AK4: variants seen among roughly 807,000 people sequenced by gnomAD.
AK4 encodes the protein adenylate kinase 4, mitochondrial.
AK4 carries 13 observed loss-of-function variants against 24.6 expected under a neutral mutation model. The observed-to-expected ratio is 0.53, with a 90% CI of 0.34 to 0.84. AK4 has a LOEUF of 0.84. Ranked by LOEUF, AK4 falls within the 40% of genes least tolerant of loss-of-function variation. The pLI, the probability that AK4 is intolerant of heterozygous loss-of-function variation, is 0.01. For synonymous variants in AK4, 88 were observed against 107.0 expected (o/e 0.82, Z 1.10); for missense variants, 192 against 288.2 (o/e 0.67, Z 2.42).
intron 2 of AK4, 34 bp from the exon 3 acceptor site, chr1:65,218,720 C>A: frequency 6.5e-7 from 1 of 1,544,278 alleles, no homozygotes; most frequent in Non-Finnish European, 8.7e-7. Flanking sequence ...TGGGCAATAG[C>A]TTGCATTTCA....
At chr1:65,188,969 C>T (rs1255733732) in intron 1 of AK4, among the ~76,000 whole-genome samples, 1 of 151,726 alleles carries the variant, frequency 6.6e-6, no homozygotes, top group Non-Finnish European at 1.5e-5. Flanking sequence ...GCGATAGAGT[C>T]TTGCTCTGTC....
chr1:65,169,110 A>G (rs1338297357), intron 1 of AK4, among the ~76,000 whole-genome samples: 2 of 151,212 alleles, frequency 1.3e-5, no homozygotes, highest in Non-Finnish European at 2.9e-5. Flanking sequence ...TAGGAGTTCA[A>G]GGATACAGTG....
rs1408297084 is a variant in AK4 at position 65,186,365 on chromosome 1, G to A, written c.146-4345G>A. On this transcript the variant is annotated intron_variant, in intron 1 of 4. Coordinates refer to ENST00000327299, the MANE Select transcript of AK4 (RefSeq NM_013410.4). ...GCTGGTCTCAAACTCCTGGCCATAA[G>A]TGATCCACCCACCTTGGCCTCCCAA... Among the ~76,000 whole-genome samples, 2 of 152,166 alleles carry A rather than the reference G, an allele frequency of 1.3e-5. 1 individual carries two copies. The highest frequency in any genetic ancestry group is 2.9e-5 in the Non-Finnish European group (2 of 68,042).
At chr1:65,182,813 G>C (rs759524571) in intron 1 of AK4, among the ~76,000 whole-genome samples, 3 of 152,254 alleles carry the variant, frequency 2.0e-5, no homozygotes, top group Admixed American at 1.3e-4. Context: ...TTGACTAAAC[G>C]CTTTCATTTA....
At chr1:65,187,925 C>T (rs74080322) in intron 1 of AK4, among the ~76,000 whole-genome samples, 3,655 of 152,194 alleles carry the variant, frequency 0.024, 151 homozygotes, top group African/African-American at 0.083. Flanking sequence ...TTTCTTGTTC[C>T]GCCTTTTGCA....
At chr1:65,192,329 T>A (rs1651332050) in intron 2 of AK4, among the ~76,000 whole-genome samples, 1 of 152,200 alleles carries the variant, frequency 6.6e-6, no homozygotes, top group Non-Finnish European at 1.5e-5. Context: ...CTTATCCTTT[T>A]ATCAGGAGCC....
rs181433592 is a variant in AK4 at position 65,150,255 on chromosome 1, T to C, written c.145+1703T>C. Among the ~76,000 whole-genome samples, 448 of 148,644 alleles carry C rather than the reference T, an allele frequency of 3.0e-3. 6 individuals are homozygous for C. Among genetic ancestry groups the C allele is most frequent in the African/African-American group, 0.011 (436 of 39,580 alleles). ...CTTTGAAAATTTTCCATTTGCTCTT[T>C]TCCCTTGTTCTCTCTTTCTCTCTCT... On this transcript the variant is annotated intron_variant, in intron 1 of 4. Transcript: ENST00000327299.
chr1:65,202,957 A>ACCAGCTC (rs1651708908), intron 2 of AK4, among the ~76,000 whole-genome samples: 1 of 146,232 alleles, frequency 6.8e-6, no homozygotes, highest in Non-Finnish European at 1.5e-5. Context: ...CTGCAGCCTC[A>ACCAGCTC]AACTGGGTTC....
At chr1:65,152,614 T>C (rs1178923628) in intron 1 of AK4, among the ~76,000 whole-genome samples, 1 of 151,506 alleles carries the variant, frequency 6.6e-6, no homozygotes, top group African/African-American at 2.4e-5. Context: ...TTGGCCAGGC[T>C]GGTCTTGAAC....
At chr1:65,210,811 A>G (rs1481265358) in intron 2 of AK4, among the ~76,000 whole-genome samples, 3 of 152,168 alleles carry the variant, frequency 2.0e-5, no homozygotes, top group Non-Finnish European at 4.4e-5. Flanking sequence ...GCCAGCCACT[A>G]TTCTGGAATT....
intron 1 of AK4, among the ~76,000 whole-genome samples, chr1:65,183,556 CTTTTT>C (rs1167214865): frequency 6.6e-6 from 1 of 151,964 alleles, no homozygotes; most frequent in African/African-American, 2.4e-5. Context: ...ATATTTCTTT[CTTTTT>C]GAGAGTCATT....
intron 4 of AK4, among the ~76,000 whole-genome samples, chr1:65,225,644 C>A (rs1652431517): frequency 6.6e-6 from 1 of 152,126 alleles, no homozygotes. Flanking sequence ...TAGTCCCCCC[C>A]AAAATTTAGC....
intron 2 of AK4, among the ~76,000 whole-genome samples, chr1:65,209,003 T>TA (rs1000900598): frequency 9.2e-5 from 14 of 151,700 alleles, no homozygotes; most frequent in South Asian, 8.4e-4. Context: ...GGGGGGGTCT[T>TA]AAAAAAAACA....
In AK4 at chr1:65,152,382, ATATTTTTTTTTTTTTTTTTTTTTT is replaced by A. The variant is rs1649825043; in HGVS notation, c.145+3832_145+3855del. 1.5e-4 allele frequency among the ~76,000 whole-genome samples: 4 copies of A among 26,742 alleles called. 1 individual carries two copies. The South Asian group carries it at 7.3e-3, about 49-fold the overall frequency. The allele number at this position is 26,742 out of a possible 152,430, so 17.5% of individuals were successfully genotyped here. On this transcript the variant is annotated intron_variant, in intron 1 of 4. Coordinates refer to ENST00000327299, the MANE Select transcript of AK4 (RefSeq NM_013410.4). Reference sequence around the variant, plus strand: ...TCTCTATATATATATATATATATATATATTTTTTTTTTTTTTTTTTTTTTTTTTTTTTTTTTTTGAGCCGGAGTC... The same window carrying A: ...TCTCTATATATATATATATATATATATTTTTTTTTTTTTTGAGCCGGAGTC...
At chr1:65,219,049 C>T in intron 3 of AK4, 123 bp downstream of exon 3, 1 of 645,914 alleles carries the variant, frequency 1.5e-6, no homozygotes, top group Non-Finnish European at 2.3e-6. Context: ...GACCAAAAAA[C>T]ATTTTTTAAA....
rs1570157375 is a variant in AK4, at chr1:65,230,143, A to G, written c.*3966A>G. The G allele has an allele frequency of 6.6e-6, 1 of 151,936 alleles. No homozygotes were observed. The highest frequency in any genetic ancestry group is 6.6e-5 in the Admixed American group (1 of 15,234). 9.4% of individuals were successfully genotyped at this position (151,936 alleles called of 1,614,324 possible). A position where few individuals can be genotyped will look rare whatever the true frequency, so the allele number is the denominator to read the frequency against. On this transcript the variant is annotated 3_prime_UTR_variant, in exon 5 of 5. Transcript: ENST00000327299. ...CCTGTCTTGTCCTTCCCCAGGGATC[A>G]CCCCCCTGCTGCCCTCTAGCAGCCA... is the stretch of plus-strand genomic sequence containing the variant.
At chr1:65,168,321 T>C (rs1171126016) in intron 1 of AK4, among the ~76,000 whole-genome samples, 2 of 152,086 alleles carry the variant, frequency 1.3e-5, no homozygotes, top group African/African-American at 4.8e-5. Context: ...TAATTTTGTA[T>C]TTTTAGTAGA....
chr1:65,214,712 T>C (rs1260759679), intron 2 of AK4, among the ~76,000 whole-genome samples: 1 of 152,208 alleles, frequency 6.6e-6, no homozygotes, highest in Non-Finnish European at 1.5e-5. Flanking sequence ...TCTGGTCCAT[T>C]GTTCTTACTA....
rs990656366 is a variant in AK4, at chr1:65,218,657, G to A, written c.266-97G>A. The A allele has an allele frequency of 4.0e-6, 5 of 1,239,780 alleles. No individual in the cohort carries two copies. In the African/African-American group the frequency reaches 7.9e-5, roughly 20 times the overall value. The allele number at this position is 1,239,780 out of a possible 1,614,324, so 76.8% of individuals were successfully genotyped here. A position where few individuals can be genotyped will look rare whatever the true frequency, so the allele number is the denominator to read the frequency against. The stretch of plus-strand genomic sequence containing the variant: ...ATAGTGTAAAGCTCCTTTTAGAATG[G>A]TATATGCAGATTTAATTCTGTCACT... On this transcript the variant is annotated intron_variant, in intron 2 of 4. Transcript: ENST00000327299.
Sources: allele counts gnomAD v4.1 joint callset (sites outside exome capture counted in the v4.1 genomes callset), GRCh38; gene constraint gnomAD v4.1.1; transcripts MANE v1.5; gene names NCBI Gene and HGNC (gene_info 2026-07-23, HGNC 2026-07-21).